ARSB: variants seen among roughly 807,000 people sequenced by gnomAD.
ARSB encodes arylsulfatase B.
A neutral mutation model predicts 50.9 loss-of-function variants in ARSB; 41 were observed. The observed-to-expected ratio is 0.81, with a 90% CI of 0.63 to 1.04. The LOEUF is 1.04. Among genes scored for constraint, ARSB ranks in the 50% least tolerant of loss-of-function variants. The pLI is 0.00. For synonymous variants in ARSB, 269 were observed against 284.8 expected, an observed-to-expected ratio of 0.94 and a Z score of 0.56; for missense variants, 672 against 693.3, an observed-to-expected ratio of 0.97 and a Z score of 0.35.
At chr5:78,928,305 C>CTTTTTTTTT (rs34737292) in intron 4 of ARSB, among the ~76,000 whole-genome samples, 3 of 72,588 alleles carry the variant, frequency 4.1e-5, no homozygotes, top group Non-Finnish European at 7.7e-5. Flanking sequence ...TTTGCTTTTG[C>CTTTTTTTTT]TTTTTTTTTT....
chr5:78,865,345 T>C (rs957414938), intron 5 of ARSB, among the ~76,000 whole-genome samples: 2 of 152,312 alleles, frequency 1.3e-5, no homozygotes, highest in African/African-American at 2.4e-5. Context: ...TCTGAAACCA[T>C]GGCCCAAGCT....
At chr5:78,866,970 G>A (rs371341459) in intron 5 of ARSB, among the ~76,000 whole-genome samples, 15 of 152,232 alleles carry the variant, frequency 9.9e-5, no homozygotes, top group South Asian at 2.1e-4. Context: ...CACACCGTGC[G>A]CGAGCCAAAG....
At chr5:78,812,676 T>A (rs563565262) in intron 6 of ARSB, among the ~76,000 whole-genome samples, 1 of 150,706 alleles carries the variant, frequency 6.6e-6, no homozygotes, top group South Asian at 2.1e-4. Flanking sequence ...GGGCTTGAAA[T>A]TGTACTGGTA....
chr5:78,851,396 C>G (rs1397712364), intron 5 of ARSB, among the ~76,000 whole-genome samples: 1 of 152,076 alleles, frequency 6.6e-6, no homozygotes, highest in African/African-American at 2.4e-5. Context: ...ATCCTGAGTT[C>G]TAGTTTGATT....
At chr5:78,823,089 A>G (rs1331776934) in intron 6 of ARSB, among the ~76,000 whole-genome samples, 1 of 152,252 alleles carries the variant, frequency 6.6e-6, no homozygotes, top group Admixed American at 6.5e-5. Context: ...GAACATTAAT[A>G]AATTCTACCA....
At chr5:78,811,340 A>G (rs956510302) in intron 6 of ARSB, among the ~76,000 whole-genome samples, 1 of 152,208 alleles carries the variant, frequency 6.6e-6, no homozygotes, top group African/African-American at 2.4e-5. Flanking sequence ...TGTTCTGGGT[A>G]GAGAAGCTGC....
intron 4 of ARSB, among the ~76,000 whole-genome samples, chr5:78,909,770 C>G (rs187285333): frequency 6.6e-6 from 1 of 152,130 alleles, no homozygotes; most frequent in Non-Finnish European, 1.5e-5. Context: ...GACCATCCCC[C>G]CAGCCCGAGA....
intron 1 of ARSB, among the ~76,000 whole-genome samples, chr5:78,972,028 G>A (rs6870085): frequency 0.27 from 40,874 of 152,080 alleles, 5,658 homozygotes; most frequent in Middle Eastern, 0.35. Context: ...TCAAATCCAC[G>A]CTGCTTTCTC....
chr5:78,955,649 G>A (rs181670974), intron 3 of ARSB, 147 bp from the exon 4 acceptor site: 3 of 721,302 alleles, frequency 4.2e-6, no homozygotes, highest in African/African-American at 3.5e-5. Context: ...TCACATGTAT[G>A]ATAAGGGACT....
At chr5:78,840,585 T>C (rs747395131) in intron 5 of ARSB, among the ~76,000 whole-genome samples, 1 of 152,106 alleles carries the variant, frequency 6.6e-6, no homozygotes, top group Non-Finnish European at 1.5e-5. Context: ...TTTTATAAAA[T>C]AAACAGCAAA....
In ARSB at chr5:78,985,127, G is replaced by A; in HGVS notation, c.122C>T (p.Ala41Val). 4.7e-6 allele frequency: 7 copies of A among 1,478,334 alleles called. No individual in the cohort carries two copies. The highest frequency in any genetic ancestry group is 5.4e-6 in the Non-Finnish European group (6 of 1,113,140). 91.6% of individuals were successfully genotyped at this position (1,478,334 alleles called of 1,614,324 possible). Residue 41 changes from alanine (A) to valine (V), a missense_variant, in exon 1 of 8, where the codon GCC becomes GTC. Ala to Val is a moderately conservative substitution (Grantham distance 64). Transcript: ENST00000264914. ...GAAGACCAGGTGGGGCGGCCGGCTG[G>A]CCCCGGCGCCCGAGCCCGGCGGCGC... ...LLAPPGSGAG[A>V]SRPPHLVFLL...
intron 4 of ARSB, among the ~76,000 whole-genome samples, chr5:78,896,362 A>G (rs1226186590): frequency 6.6e-6 from 1 of 152,134 alleles, no homozygotes; most frequent in African/African-American, 2.4e-5. Context: ...GGCTCCCTGG[A>G]GGGGAGCCAG....
intron 5 of ARSB, among the ~76,000 whole-genome samples, chr5:78,852,022 A>G (rs1397422969): frequency 6.6e-6 from 1 of 152,160 alleles, no homozygotes; most frequent in Non-Finnish European, 1.5e-5. Flanking sequence ...CCAATTTGCC[A>G]GTCTGTGTCT....
At chr5:78,928,249 G>A (rs1005595679) in intron 4 of ARSB, among the ~76,000 whole-genome samples, 4 of 150,346 alleles carry the variant, frequency 2.7e-5, no homozygotes, top group African/African-American at 9.8e-5. Context: ...ACCATAGCTC[G>A]TGCCTCATGA....
intron 3 of ARSB, 132 bp from the exon 4 acceptor site, chr5:78,955,634 G>C: frequency 1.3e-6 from 1 of 776,680 alleles, no homozygotes; most frequent in Non-Finnish European, 2.2e-6. Context: ...GAAAGTATTT[G>C]TGAATCACAT....
At chr5:78,866,879 G>T (rs1188875127) in intron 5 of ARSB, among the ~76,000 whole-genome samples, 2 of 152,230 alleles carry the variant, frequency 1.3e-5, no homozygotes, top group East Asian at 1.9e-4. Flanking sequence ...CAGAAGACGG[G>T]TGATTTCTGC....
chr5:78,859,775 C>A (rs138162612), intron 5 of ARSB, among the ~76,000 whole-genome samples: 1 of 151,982 alleles, frequency 6.6e-6, no homozygotes, highest in African/African-American at 2.4e-5. Context: ...ACCATTGTGC[C>A]TCCTCTCACC....
chr5:78,937,401 GAT>G lies in ARSB; in HGVS notation c.898+17892_898+17893del, dbSNP rs200579568. ...AGATATATATATCATATATATGTAA[GAT>G]ATATATATGTAAGATATATATATCA... On this transcript the variant is annotated intron_variant, in intron 4 of 7. Transcript: ENST00000264914. Among the ~76,000 whole-genome samples, 441 of 131,252 alleles carry G rather than the reference GAT, an allele frequency of 3.4e-3. 10 individuals carry two copies. Among genetic ancestry groups the G allele is most frequent in the Non-Finnish European group, 4.4e-3 (279 of 63,576 alleles). 86.1% of individuals were successfully genotyped at this position (131,252 alleles called of 152,430 possible).
rs752671202 is a variant in ARSB, at chr5:78,985,158, A to ACAG, written c.88_90dup (p.Leu32dup). The ACAG allele has an allele frequency of 4.4e-5, 64 of 1,451,092 alleles. 1 individual carries two copies. The highest frequency in any genetic ancestry group is 1.4e-4 in the East Asian group (5 of 34,934). The allele number at this position is 1,451,092 out of a possible 1,614,324, so 89.9% of individuals were successfully genotyped here. A position where few individuals can be genotyped will look rare whatever the true frequency, so the allele number is the denominator to read the frequency against. ...GCGCCCGAGCCCGGCGGCGCCAACAACAGCAGCAGCAGCAGCGGGAGGACG... is the reference window on the plus strand; with the variant it reads ...GCGCCCGAGCCCGGCGGCGCCAACAACAGCAGCAGCAGCAGCAGCGGGAGGACG... On this transcript the variant is annotated inframe_insertion, in exon 1 of 8. Coordinates refer to ENST00000264914, the MANE Select transcript of ARSB (RefSeq NM_000046.5).
Sources: gnomAD v4.1 joint callset for allele counts (sites outside exome capture counted in the v4.1 genomes callset) on GRCh38, gnomAD v4.1.1 for gene constraint, MANE v1.5 for transcripts, NCBI Gene and HGNC (gene_info 2026-07-23, HGNC 2026-07-21) for gene names.